Variants in CEP162 observed in about 807,000 individuals in gnomAD.
CEP162 encodes centrosomal protein 162.
Under a neutral mutation model 169.2 loss-of-function variants are expected in CEP162, and 141 were observed. The observed-to-expected ratio is 0.83, with a 90% CI of 0.73 to 0.96. CEP162 has a LOEUF of 0.96. CEP162 is among the 40% of genes least tolerant of loss of function. CEP162 has a pLI of 0.00. For synonymous variants in CEP162, 540 were observed against 526.4 expected (o/e 1.03, Z -0.35); for missense variants, 1,600 against 1,587.2 (o/e 1.01, Z -0.14).
At chr6:84,212,129 G>C (rs965007215) in intron 6 of CEP162, among the ~76,000 whole-genome samples, 9 of 152,024 alleles carry the variant, frequency 5.9e-5, no homozygotes, top group Non-Finnish European at 1.2e-4. Flanking sequence ...CAAAAGCTGA[G>C]AGAACTTGTT....
At chr6:84,163,010 TAA>T in intron 19 of CEP162, 132 bp downstream of exon 19, 1 of 843,936 alleles carries the variant, frequency 1.2e-6, no homozygotes. Flanking sequence ...TAACTAATTT[TAA>T]AAAATGTTTC....
chr6:84,225,372 G>A (rs2099555298), intron 2 of CEP162, among the ~76,000 whole-genome samples: 1 of 152,154 alleles, frequency 6.6e-6, no homozygotes, highest in Non-Finnish European at 1.5e-5. Flanking sequence ...ACAATGGCAA[G>A]CATTTCTGTA....
Position 84,152,921 on chromosome 6 carries a change from C to T in CEP162, c.3253G>A (p.Ala1085Thr), listed in dbSNP as rs2099521688. ...EFQVEQAHAKAKLVRLNEELA... is the reference protein window; with the variant it reads ...EFQVEQAHAKTKLVRLNEELA... ...TCTTCATTGAGTCTTACTAATTTAG[C>T]TTTAGCATGAGCCTGTTCCACCTGG... is the stretch of plus-strand genomic sequence containing the variant. The change falls in exon 23 of 27, where the codon GCT (alanine) becomes ACT (threonine). Residue 1085 changes from alanine (A) to threonine (T), a missense_variant. Transcript: ENST00000403245. 6.8e-6 allele frequency: 11 copies of T among 1,613,602 alleles called. No homozygotes were observed. The highest frequency in any genetic ancestry group is 7.6e-6 in the Non-Finnish European group (9 of 1,179,814).
intron 8 of CEP162, 32 bp from the exon 9 acceptor site, chr6:84,200,937 T>C (rs1399944978): frequency 1.6e-6 from 2 of 1,289,588 alleles, no homozygotes; most frequent in Non-Finnish European, 2.2e-6. Context: ...ATATAAGGAA[T>C]GTAGATAAAC....
intron 13 of CEP162, among the ~76,000 whole-genome samples, chr6:84,184,119 T>G (rs1371093496): frequency 1.3e-5 from 2 of 152,162 alleles, no homozygotes; most frequent in Non-Finnish European, 2.9e-5. Context: ...TGATCCCTTC[T>G]TCCACTGTGC....
chr6:84,145,413 C>T (rs1038564412), intron 25 of CEP162, among the ~76,000 whole-genome samples: 5 of 152,088 alleles, frequency 3.3e-5, no homozygotes, highest in African/African-American at 1.2e-4. Flanking sequence ...ATGCAAATAA[C>T]CAAGCCAAGT....
chr6:84,146,788 A>C lies in CEP162; in HGVS notation c.3772-3T>G. ...CTTTGGAAATGTCTTATAAGTACCT[A>C]GGAAATTGTTAGAAGTGCTGAGTTA... is the stretch of plus-strand genomic sequence containing the variant. On this transcript the variant is annotated splice_region_variant and splice_polypyrimidine_tract_variant and intron_variant, in intron 24 of 26. Transcript: ENST00000403245. 1 of 1,488,434 alleles carries C rather than the reference A, an allele frequency of 6.7e-7. No homozygotes were observed. The highest frequency in any genetic ancestry group is 9.2e-7 in the Non-Finnish European group (1 of 1,088,894). 92.2% of individuals were successfully genotyped at this position (1,488,434 alleles called of 1,614,324 possible). A position where few individuals can be genotyped will look rare whatever the true frequency, so the allele number is the denominator to read the frequency against.
chr6:84,171,202 A>G (rs2129217868), intron 17 of CEP162, among the ~76,000 whole-genome samples: 1 of 152,266 alleles, frequency 6.6e-6, no homozygotes, highest in South Asian at 2.1e-4. Context: ...CTCTGCTTCT[A>G]TGGAACCTGA....
chr6:84,196,089 T>C (rs932172436), intron 9 of CEP162, among the ~76,000 whole-genome samples: 2 of 152,168 alleles, frequency 1.3e-5, no homozygotes, highest in African/African-American at 2.4e-5. Context: ...CCTTCTGATA[T>C]GGTTTGGCTG....
At chr6:84,153,834 G>A (rs2099522028) in intron 22 of CEP162, among the ~76,000 whole-genome samples, 1 of 152,114 alleles carries the variant, frequency 6.6e-6, no homozygotes, top group South Asian at 2.1e-4. Flanking sequence ...AGCTTGGTGA[G>A]GAGAGCAACA....
chr6:84,184,615 T>G (rs2099536319), intron 13 of CEP162, among the ~76,000 whole-genome samples: 1 of 152,078 alleles, frequency 6.6e-6, no homozygotes, highest in Non-Finnish European at 1.5e-5. Context: ...CCAACCTCAC[T>G]CTGTTTCCTT....
intron 13 of CEP162, among the ~76,000 whole-genome samples, chr6:84,179,319 C>T (rs1398310383): frequency 6.6e-6 from 1 of 152,132 alleles, no homozygotes; most frequent in South Asian, 2.1e-4. Context: ...CTCTCCAGCA[C>T]CTGTTGTTTC....
intron 3 of CEP162, among the ~76,000 whole-genome samples, chr6:84,216,296 G>A (rs1277982597): frequency 6.6e-6 from 1 of 152,006 alleles, no homozygotes; most frequent in African/African-American, 2.4e-5. Flanking sequence ...TAACACTATT[G>A]GAAATAGACT....
chr6:84,215,420 A>T lies in CEP162; in HGVS notation c.365T>A (p.Leu122Ter). ...ELNHSSLGVG[L>*]DTLEEQEEKE... ...CTCCTCTTGTTCTTCTAATGTGTCC[A>T]ATCCCACTCCGAGACTACTATGGTT... is the stretch of plus-strand genomic sequence containing the variant. The change falls in exon 5 of 27, where the codon TTG (leucine) becomes TAG (stop). Residue 122 changes from leucine (L) to a stop codon, truncating the protein, a stop_gained. Transcript: ENST00000403245. LOFTEE classifies it high-confidence loss of function. 6.2e-7 allele frequency: 1 copy of T among 1,609,740 alleles called. No homozygotes were observed. The highest frequency in any genetic ancestry group is 8.5e-7 in the Non-Finnish European group (1 of 1,178,014).
Position 84,125,104 on chromosome 6 carries a change from G to A in CEP162, c.4178C>T (p.Ala1393Val), listed in dbSNP as rs139232508. The A allele has an allele frequency of 6.9e-4, 1,113 of 1,612,968 alleles. 14 individuals are homozygous for A. The South Asian group carries it at 9.1e-3, about 13-fold the overall frequency. Reference sequence around the variant, plus strand: ...TGGTGCATTCATTTCATCTGCAAAAGCAACTGGCACAACCACTCCTTGCCG... The same window carrying A: ...TGGTGCATTCATTTCATCTGCAAAAACAACTGGCACAACCACTCCTTGCCG... ...LHRQGVVVPV[A>V]FADEMNAPEY Residue 1393 changes from alanine (A) to valine (V), a missense_variant, in exon 27 of 27, where the codon GCT becomes GTT. Physicochemically the swap from Ala to Val is moderately conservative, Grantham distance 64 (BLOSUM62 0). Coordinates refer to ENST00000403245, the MANE Select transcript of CEP162 (RefSeq NM_014895.4).
Position 84,163,272 on chromosome 6 carries a change from T to G in CEP162, c.2386-2A>C. On this transcript the variant is annotated splice_acceptor_variant, in intron 18 of 26. Transcript: ENST00000403245. LOFTEE classifies it high-confidence loss of function. ...TTCCAATAAACTGTCTTTTTCTTTC[T>G]TGATATTCAAAAGAAATATAAAAGC... The G allele has an allele frequency of 6.3e-7, 1 of 1,598,700 alleles. No individual in the cohort carries two copies. Among genetic ancestry groups the G allele is most frequent in the Non-Finnish European group, 8.5e-7 (1 of 1,169,958 alleles).
At chr6:84,134,824 A>AAATT (rs2099513213) in intron 25 of CEP162, among the ~76,000 whole-genome samples, 4 of 151,822 alleles carry the variant, frequency 2.6e-5, no homozygotes, top group Non-Finnish European at 5.9e-5. Flanking sequence ...CACAGATTAA[A>AAATT]CTTTTGATAA....
At chr6:84,192,198 C>T (rs1018973508) in intron 11 of CEP162, among the ~76,000 whole-genome samples, 4 of 152,132 alleles carry the variant, frequency 2.6e-5, no homozygotes, top group African/African-American at 9.7e-5. Context: ...GTCATTTACT[C>T]CATAGTTTAC....
chr6:84,192,176 A>T (rs566645661), intron 11 of CEP162, among the ~76,000 whole-genome samples: 1 of 152,224 alleles, frequency 6.6e-6, no homozygotes, highest in African/African-American at 2.4e-5. Flanking sequence ...GGATTATGTT[A>T]TAGCAGCTAG....
Sources: gnomAD v4.1 joint callset for allele counts (sites outside exome capture counted in the v4.1 genomes callset) on GRCh38, gnomAD v4.1.1 for gene constraint, MANE v1.5 for transcripts, NCBI Gene and HGNC (gene_info 2026-07-23, HGNC 2026-07-21) for gene names.